QKI: variants seen among roughly 807,000 people sequenced by gnomAD.
QKI encodes QKI, KH domain containing RNA binding, also known as KH domain-containing RNA-binding protein QKI.
QKI carries 10 observed loss-of-function variants against 39.0 expected under a neutral mutation model. The observed-to-expected ratio is 0.26, with a 90% confidence interval of 0.16 to 0.43. The LOEUF (loss-of-function observed/expected upper bound fraction) is 0.43. QKI is among the 20% of genes least tolerant of loss of function. The pLI, the probability that QKI is intolerant of heterozygous loss-of-function variation, is 1.00. For missense variants in QKI, 218 were observed against 428.0 expected (o/e 0.51, Z 4.33); for synonymous variants, 204 against 155.4 (o/e 1.31, Z -2.33).
intron 1 of QKI, among the ~76,000 whole-genome samples, chr6:163,451,392 C>G (rs1458855055): frequency 6.6e-6 from 1 of 152,082 alleles, no homozygotes; most frequent in African/African-American, 2.4e-5. Flanking sequence ...CTAGACAGAT[C>G]AGAGTGCATC....
intron 1 of QKI, among the ~76,000 whole-genome samples, chr6:163,427,286 T>C (rs1788483968): frequency 7.4e-6 from 1 of 134,974 alleles, no homozygotes; most frequent in Non-Finnish European, 1.6e-5. Flanking sequence ...GCTAAACTAA[T>C]GTTGTTCTTG....
chr6:163,448,997 G>A (rs906244796), intron 1 of QKI, among the ~76,000 whole-genome samples: 1 of 152,094 alleles, frequency 6.6e-6, no homozygotes, highest in African/African-American at 2.4e-5. Context: ...TGAAGTGACA[G>A]TTCTTCAGTT....
intron 1 of QKI, among the ~76,000 whole-genome samples, chr6:163,417,862 A>G (rs1787654600): frequency 6.6e-6 from 1 of 152,192 alleles, no homozygotes. Flanking sequence ...AGACCAGTAC[A>G]AACATGCAGG....
At chr6:163,536,197 A>C (rs968024057) in intron 4 of QKI, among the ~76,000 whole-genome samples, 1 of 152,122 alleles carries the variant, frequency 6.6e-6, no homozygotes, top group African/African-American at 2.4e-5. Flanking sequence ...GTTAAATATA[A>C]ACTAAAATCT....
At chr6:163,485,585 A>G (rs1158066967) in intron 3 of QKI, among the ~76,000 whole-genome samples, 1 of 151,752 alleles carries the variant, frequency 6.6e-6, no homozygotes, top group African/African-American at 2.4e-5. Context: ...CCCTTCTCAT[A>G]AACAAGAGGA....
intron 2 of QKI, among the ~76,000 whole-genome samples, chr6:163,478,107 G>A (rs1583059376): frequency 6.6e-6 from 1 of 152,146 alleles, no homozygotes; most frequent in South Asian, 2.1e-4. Context: ...ATGAATATTA[G>A]GAATTTCTGT....
chr6:163,514,404 A>G (rs894329586), intron 3 of QKI, among the ~76,000 whole-genome samples: 2 of 152,178 alleles, frequency 1.3e-5, no homozygotes, highest in Non-Finnish European at 1.5e-5. Flanking sequence ...TTTCAAATCT[A>G]TATAGTAAAA....
At chr6:163,475,509 G>C (rs938090236) in intron 2 of QKI, among the ~76,000 whole-genome samples, 2 of 152,144 alleles carry the variant, frequency 1.3e-5, no homozygotes, top group Non-Finnish European at 1.5e-5. Flanking sequence ...GAGCATCTGT[G>C]AATTTTGGTG....
chr6:163,525,321 C>G (rs1247037414), intron 3 of QKI, among the ~76,000 whole-genome samples: 2 of 144,304 alleles, frequency 1.4e-5, no homozygotes, highest in African/African-American at 2.6e-5. Context: ...CCTCTTTTCT[C>G]TCTCTCCTCT....
intron 3 of QKI, among the ~76,000 whole-genome samples, chr6:163,524,595 A>G (rs59991282): frequency 0.02 from 3,102 of 151,902 alleles, 105 homozygotes; most frequent in African/African-American, 0.071. Context: ...CAGCCTCCCT[A>G]GTAGCTAGGA....
intron 7 of QKI, chr6:163,567,352 C>CT (rs1783426727): frequency 1.0e-6 from 1 of 985,262 alleles, no homozygotes; most frequent in African/African-American, 1.7e-5. Context: ...GTGAAGATAA[C>CT]TTTCATGTAG....
intron 3 of QKI, among the ~76,000 whole-genome samples, chr6:163,532,701 T>G (rs544410794): frequency 1.3e-5 from 2 of 152,298 alleles, no homozygotes; most frequent in South Asian, 4.1e-4. Flanking sequence ...CCTGGAATCC[T>G]TTTGGGTGGT....
chr6:163,512,613 G>A (rs1779554753), intron 3 of QKI, among the ~76,000 whole-genome samples: 1 of 152,024 alleles, frequency 6.6e-6, no homozygotes, highest in Non-Finnish European at 1.5e-5. Flanking sequence ...AATAGAGATG[G>A]TCTGAACTAC....
chr6:163,415,689 C>G (rs1313518722), intron 1 of QKI, among the ~76,000 whole-genome samples: 1 of 151,684 alleles, frequency 6.6e-6, no homozygotes, highest in Non-Finnish European at 1.5e-5. Context: ...TGGTCCTCGC[C>G]GAGCCCTCCC....
intron 3 of QKI, among the ~76,000 whole-genome samples, chr6:163,481,081 G>T (rs1196500119): frequency 6.6e-6 from 1 of 152,078 alleles, no homozygotes; most frequent in Non-Finnish European, 1.5e-5. Flanking sequence ...GGAATGCTTG[G>T]CCATTTGGTA....
chr6:163,428,557 T>C (rs1788584819), intron 1 of QKI, among the ~76,000 whole-genome samples: 1 of 152,202 alleles, frequency 6.6e-6, no homozygotes, highest in South Asian at 2.1e-4. Flanking sequence ...TAGTCTTATC[T>C]CACTTTTATT....
chr6:163,533,031 TC>T (rs1359098041), intron 3 of QKI, among the ~76,000 whole-genome samples: 1 of 151,994 alleles, frequency 6.6e-6, no homozygotes, highest in African/African-American at 2.4e-5. Context: ...TGTTACTATA[TC>T]TTGCCTGGAA....
At chr6:163,435,036 T>A (rs535284175) in intron 1 of QKI, among the ~76,000 whole-genome samples, 18 of 152,316 alleles carry the variant, frequency 1.2e-4, no homozygotes, top group South Asian at 6.2e-4. Flanking sequence ...ATGATTTTTT[T>A]AAAAAATTGC....
intron 3 of QKI, among the ~76,000 whole-genome samples, chr6:163,504,687 A>G (rs1778988021): frequency 6.6e-6 from 1 of 152,162 alleles, no homozygotes; most frequent in Non-Finnish European, 1.5e-5. Context: ...TGATTTTTGT[A>G]CATTGGTTTT....
Sources: gnomAD v4.1 joint callset for allele counts (sites outside exome capture counted in the v4.1 genomes callset) on GRCh38, gnomAD v4.1.1 for gene constraint, MANE v1.5 for transcripts, NCBI Gene and HGNC (gene_info 2026-07-23, HGNC 2026-07-21) for gene names.